Variants in SLCO1C1 observed in about 807,000 individuals in gnomAD.
SLCO1C1 encodes the protein solute carrier organic anion transporter family member 1C1.
A neutral mutation model predicts 76.4 loss-of-function variants in SLCO1C1; 70 were observed. The observed-to-expected ratio is 0.92, with a 90% CI of 0.76 to 1.12. The LOEUF is 1.12. SLCO1C1 is among the 50% of genes most tolerant of loss of function. The pLI is 0.00. For synonymous variants in SLCO1C1, 306 were observed against 286.1 expected, an observed-to-expected ratio of 1.07 and a Z score of -0.70; for missense variants, 912 against 823.8, an observed-to-expected ratio of 1.11 and a Z score of -1.31.
intron 6 of SLCO1C1, among the ~76,000 whole-genome samples, chr12:20,716,316 C>A (rs1385961690): frequency 6.6e-6 from 1 of 152,160 alleles, no homozygotes; most frequent in Non-Finnish European, 1.5e-5. Context: ...AAGGTCACAG[C>A]CAGGAGAAGC....
chr12:20,725,173 A>G (rs1387658564), intron 9 of SLCO1C1, among the ~76,000 whole-genome samples: 1 of 136,740 alleles, frequency 7.3e-6, no homozygotes, highest in African/African-American at 2.7e-5. Flanking sequence ...ATTATTATTT[A>G]TATTATAAAT....
chr12:20,734,518 C>T (rs755552605), intron 10 of SLCO1C1, among the ~76,000 whole-genome samples: 6 of 152,184 alleles, frequency 3.9e-5, no homozygotes, highest in African/African-American at 7.2e-5. Flanking sequence ...AACACCTTAA[C>T]TTTCATGATC....
chr12:20,721,723 C>A (rs1460779853), intron 7 of SLCO1C1, 81 bp from the exon 8 acceptor site: 54 of 1,465,998 alleles, frequency 3.7e-5, no homozygotes, highest in Non-Finnish European at 4.9e-5. Flanking sequence ...TAGAGTTTTG[C>A]AAGAATTTAT....
At position 20,707,763 on chromosome 12, in the gene SLCO1C1, G is replaced by T. The variant is rs1376919168; in HGVS notation, c.404+1682G>T. 5.3e-5 allele frequency among the ~76,000 whole-genome samples: 8 copies of T among 152,102 alleles called. No individual in the cohort carries two copies. The East Asian group carries it at 1.2e-3, about 22-fold the overall frequency. On this transcript the variant is annotated intron_variant, in intron 4 of 14. Coordinates refer to ENST00000266509, the MANE Select transcript of SLCO1C1 (RefSeq NM_017435.5). The stretch of plus-strand genomic sequence containing the variant: ...TGTCTTAAAGCTGCTGTATACAGAT[G>T]AATAATTTTATTACTTTAAGTTAGT...
rs140324992 is a variant in SLCO1C1, at chr12:20,707,600, A to G, written c.404+1519A>G. 7.9e-5 allele frequency among the ~76,000 whole-genome samples: 12 copies of G among 152,272 alleles called. No homozygotes were observed. The East Asian group carries it at 2.3e-3, about 29-fold the overall frequency. On this transcript the variant is annotated intron_variant, in intron 4 of 14. Transcript: ENST00000266509. ...AAAATAATTCCTAGCTGATAATGCC[A>G]TTGCAAATATTAAGTGAGATAACAC... is the stretch of plus-strand genomic sequence containing the variant.
intron 1 of SLCO1C1, among the ~76,000 whole-genome samples, chr12:20,698,308 A>G (rs1439566128): frequency 1.3e-5 from 2 of 151,996 alleles, no homozygotes; most frequent in Non-Finnish European, 2.9e-5. Context: ...TAAAGTTATG[A>G]ATGCTTATAA....
At chr12:20,733,232 G>A (rs1445995379) in intron 10 of SLCO1C1, 128 bp downstream of exon 10, 8 of 831,696 alleles carry the variant, frequency 9.6e-6, no homozygotes, top group Non-Finnish European at 1.2e-5. Context: ...GTATTTTATT[G>A]TGGAATAACT....
intron 10 of SLCO1C1, among the ~76,000 whole-genome samples, chr12:20,733,820 C>T (rs1208770028): frequency 6.6e-6 from 1 of 152,146 alleles, no homozygotes; most frequent in Non-Finnish European, 1.5e-5. Context: ...GCTTGGTTTC[C>T]AGAGTCTCTC....
chr12:20,751,953 C>G (rs1185099229), intron 14 of SLCO1C1, among the ~76,000 whole-genome samples: 1 of 152,030 alleles, frequency 6.6e-6, no homozygotes, highest in African/African-American at 2.4e-5. Context: ...AAACTGGGTA[C>G]TTTTGAGTGT....
At chr12:20,738,741 T>C (rs1410330129) in intron 11 of SLCO1C1, among the ~76,000 whole-genome samples, 1 of 152,186 alleles carries the variant, frequency 6.6e-6, no homozygotes, top group African/African-American at 2.4e-5. Context: ...AGGTTAAAGA[T>C]TGGTGTTAAA....
At chr12:20,702,886 C>T (rs1207797794) in intron 3 of SLCO1C1, among the ~76,000 whole-genome samples, 1 of 151,764 alleles carries the variant, frequency 6.6e-6, no homozygotes, top group Non-Finnish European at 1.5e-5. Flanking sequence ...GCTGAAGAGG[C>T]ATAGAAATGA....
chr12:20,709,267 C>T (rs1274192478), intron 4 of SLCO1C1, among the ~76,000 whole-genome samples: 4 of 152,178 alleles, frequency 2.6e-5, no homozygotes, highest in Non-Finnish European at 5.9e-5. Flanking sequence ...CCATAGCTCT[C>T]ATTTTACAAC....
At chr12:20,733,961 T>A (rs894202081) in intron 10 of SLCO1C1, among the ~76,000 whole-genome samples, 3 of 152,132 alleles carry the variant, frequency 2.0e-5, no homozygotes, top group African/African-American at 7.2e-5. Context: ...ATGCATTATT[T>A]GTTTTCTAAA....
Position 20,750,768 on chromosome 12 carries a change from G to C in SLCO1C1, c.1892G>C (p.Arg631Thr), listed in dbSNP as rs1237118051. ...AGATGTGGAAGTAGAGGATCATGCA[G>C]ATTATATGATTCAAATGTCTTCAGG... ...FKRCGSRGSCRLYDSNVFRHI... is the reference protein window; with the variant it reads ...FKRCGSRGSCTLYDSNVFRHI... Residue 631 changes from arginine to threonine, a missense_variant, in exon 14 of 15, where the codon AGA (arginine) becomes ACA (threonine). Physicochemically the swap from Arg to Thr is moderately conservative, Grantham distance 71. Coordinates refer to ENST00000266509, the MANE Select transcript of SLCO1C1 (RefSeq NM_017435.5). The C allele has an allele frequency of 2.5e-6, 4 of 1,613,850 alleles. No homozygotes were observed. The highest frequency in any genetic ancestry group is 3.4e-6 in the Non-Finnish European group (4 of 1,179,914).
chr12:20,704,334 AG>A (rs1218993337), intron 3 of SLCO1C1, among the ~76,000 whole-genome samples: 14 of 85,330 alleles, frequency 1.6e-4, no homozygotes, highest in Admixed American at 1.4e-3. Flanking sequence ...GCTTGTAAAC[AG>A]AAGTGTTTAT....
intron 7 of SLCO1C1, among the ~76,000 whole-genome samples, chr12:20,720,285 G>C (rs191408702): frequency 2.1e-3 from 315 of 152,268 alleles, no homozygotes; most frequent in Non-Finnish European, 2.3e-3. Context: ...GATGTACAAA[G>C]AGATAAATGT....
intron 13 of SLCO1C1, among the ~76,000 whole-genome samples, chr12:20,749,226 T>G (rs971339387): frequency 2.6e-5 from 4 of 152,312 alleles, no homozygotes; most frequent in South Asian, 2.1e-4. Context: ...TTGTTCAATA[T>G]AAGCATACAA....
At position 20,722,065 on chromosome 12, in the gene SLCO1C1, G is replaced by C; in HGVS notation, c.1021+16G>C. 1 of 1,605,082 alleles carries C rather than the reference G, an allele frequency of 6.2e-7. No individual in the cohort carries two copies. Among genetic ancestry groups the C allele is most frequent in the Non-Finnish European group, 8.5e-7 (1 of 1,176,366 alleles). ...ATGGCAAGAGGTAAGTCAAATTCTT[G>C]ATTTTGAAGTATTTTCATTTTTCTG... On this transcript the variant is annotated intron_variant, in intron 8 of 14. Transcript: ENST00000266509.
At chr12:20,717,842 G>C (rs1436013567) in intron 7 of SLCO1C1, among the ~76,000 whole-genome samples, 12 of 151,466 alleles carry the variant, frequency 7.9e-5, no homozygotes, top group Admixed American at 7.9e-4. Flanking sequence ...ATCTCTGGGA[G>C]ATGCACCCTT....
Sources: allele counts gnomAD v4.1 joint callset (sites outside exome capture counted in the v4.1 genomes callset), GRCh38; gene constraint gnomAD v4.1.1; transcripts MANE v1.5; gene names NCBI Gene and HGNC (gene_info 2026-07-23, HGNC 2026-07-21).